KANSL1L: variants seen among roughly 807,000 people sequenced by gnomAD.
KANSL1L encodes KAT8 regulatory NSL complex subunit 1-like protein.
A neutral mutation model predicts 108.6 loss-of-function variants in KANSL1L; 25 were observed. The observed-to-expected ratio is 0.23, with a 90% CI of 0.17 to 0.32. The LOEUF (loss-of-function observed/expected upper bound fraction) is 0.32, where lower values mean the gene tolerates loss of function less well. Among genes scored for constraint, KANSL1L ranks in the 10% least tolerant of loss-of-function variants. KANSL1L has a pLI of 1.00. For synonymous variants in KANSL1L, 405 were observed against 395.1 expected (o/e 1.03, Z -0.30); for missense variants, 1,137 against 1,125.7 (o/e 1.01, Z -0.14).
chr2:210,101,195 C>A lies in KANSL1L; in HGVS notation c.1428+2909G>T, dbSNP rs568412141. ...TGAGACCTAAAATGATACCCAGGAC[C>A]AGCTTCATGGGCATGTAACCTGTGC... On this transcript the variant is annotated intron_variant, in intron 4 of 14. Coordinates refer to ENST00000281772, the MANE Select transcript of KANSL1L (RefSeq NM_152519.4). Among the ~76,000 whole-genome samples, 3 of 152,250 alleles carry A rather than the reference C, an allele frequency of 2.0e-5. No homozygotes were observed. The South Asian group carries it at 6.2e-4, about 32-fold the overall frequency.
intron 3 of KANSL1L, among the ~76,000 whole-genome samples, chr2:210,111,534 T>C (rs1204387200): frequency 2.0e-5 from 3 of 152,116 alleles, no homozygotes; most frequent in East Asian, 1.9e-4. Context: ...TTGAAGGTTA[T>C]AGAAATGTCC....
In KANSL1L at chr2:210,104,829, C is replaced by T. The variant is rs146210295; in HGVS notation, c.1231-528G>A. Among the ~76,000 whole-genome samples the T allele has an allele frequency of 6.8e-4, 103 of 152,230 alleles. 1 individual carries two copies. In the Middle Eastern group the frequency reaches 0.017, roughly 25 times the overall value. ...TGCCCCTGTTGCTGTCAGCCAGCAA[C>T]CAGGGATAGGACTGCACCACTGAGA... On this transcript the variant is annotated intron_variant, in intron 3 of 14. Coordinates refer to ENST00000281772, the MANE Select transcript of KANSL1L (RefSeq NM_152519.4).
intron 5 of KANSL1L, among the ~76,000 whole-genome samples, chr2:210,077,189 CAAAT>C (rs2094548806): frequency 6.6e-6 from 1 of 151,940 alleles, no homozygotes; most frequent in South Asian, 2.1e-4. Flanking sequence ...ATACATTCAA[CAAAT>C]ACGTAATTGA....
intron 3 of KANSL1L, among the ~76,000 whole-genome samples, chr2:210,123,557 T>A (rs1052387751): frequency 6.6e-6 from 1 of 151,946 alleles, no homozygotes; most frequent in African/African-American, 2.4e-5. Context: ...TGGGGATGGC[T>A]AATGGGTACA....
chr2:210,068,943 C>A (rs1172504801), intron 6 of KANSL1L, among the ~76,000 whole-genome samples: 1 of 152,132 alleles, frequency 6.6e-6, no homozygotes. Flanking sequence ...TCTGGGTAAT[C>A]CCCAGAGCAA....
rs747849946 is a variant in KANSL1L at position 210,022,955 on chromosome 2, A to AT, written c.2957dup (p.Asn986LysfsTer2). Reference sequence around the variant, plus strand: ...TTTCTTAACCTGTTCCCTGTCACCTATTTTTTTTAACATTAGTAAGTCCTA... The same window carrying AT: ...TTTCTTAACCTGTTCCCTGTCACCTATTTTTTTTTAACATTAGTAAGTCCTA... On this transcript the variant is annotated frameshift_variant, in exon 15 of 15. Transcript: ENST00000281772. LOFTEE classifies it high-confidence loss of function. 514 of 1,601,426 alleles carry AT rather than the reference A, an allele frequency of 3.2e-4. No homozygotes were observed. Among genetic ancestry groups the AT allele is most frequent in the Middle Eastern group, 1.5e-3 (9 of 6,046 alleles).
chr2:210,172,406 G>A (rs1227587733), upstream of KANSL1L, among the ~76,000 whole-genome samples: 1 of 152,168 alleles, frequency 6.6e-6, no homozygotes, highest in Non-Finnish European at 1.5e-5. Flanking sequence ...GCGGAAGAGG[G>A]GAGAAATCCA....
intron 1 of KANSL1L, among the ~76,000 whole-genome samples, chr2:210,158,809 A>T (rs1330962789): frequency 6.6e-6 from 1 of 152,212 alleles, no homozygotes; most frequent in Non-Finnish European, 1.5e-5. Context: ...AATTATGTTC[A>T]GTATAGTTTT....
chr2:210,042,604 A>G (rs1340146001), intron 7 of KANSL1L, among the ~76,000 whole-genome samples: 1 of 152,200 alleles, frequency 6.6e-6, no homozygotes, highest in Non-Finnish European at 1.5e-5. Flanking sequence ...TCTCATATGT[A>G]AGATGAACAG....
chr2:210,166,038 T>C (rs1687936989), intron 1 of KANSL1L, among the ~76,000 whole-genome samples: 1 of 152,158 alleles, frequency 6.6e-6, no homozygotes, highest in African/African-American at 2.4e-5. Context: ...AAAGTATATA[T>C]AGGGTTAAGT....
At chr2:210,136,302 G>GA (rs950064183) in intron 2 of KANSL1L, among the ~76,000 whole-genome samples, 1 of 151,058 alleles carries the variant, frequency 6.6e-6, no homozygotes, top group African/African-American at 2.4e-5. Flanking sequence ...AGAAAAAAAA[G>GA]AAAAAAAAGG....
intron 6 of KANSL1L, among the ~76,000 whole-genome samples, chr2:210,069,513 CTGT>C (rs1472353360): frequency 6.6e-6 from 1 of 152,096 alleles, no homozygotes; most frequent in African/African-American, 2.4e-5. Flanking sequence ...GCACCAAACT[CTGT>C]ATAAGTTTCC....
chr2:210,164,495 TATTATATTACTCTAGGCACCACC>T, intron 1 of KANSL1L, among the ~76,000 whole-genome samples: 1 of 152,278 alleles, frequency 6.6e-6, no homozygotes, highest in Admixed American at 6.5e-5. Flanking sequence ...TAAAATACTT[TATTATATTACTCTAGGCACCACC>T]ATCATCTTTG....
At chr2:210,054,769 G>A (rs1367138146) in intron 6 of KANSL1L, among the ~76,000 whole-genome samples, 1 of 151,634 alleles carries the variant, frequency 6.6e-6, no homozygotes, top group Non-Finnish European at 1.5e-5. Context: ...GTAGGAAAGG[G>A]AAAAAGGAGG....
rs187770381 is a variant in KANSL1L, at chr2:210,128,884, T to G, written c.1230+147A>C. ...ACAAAAAGGCATTACAAAAATAGCT[T>G]CAATTTATAATAATATATCAAAAAT... On this transcript the variant is annotated intron_variant, in intron 3 of 14. Transcript: ENST00000281772. 7.5e-4 allele frequency: 442 copies of G among 586,130 alleles called. 1 individual carries two copies. The highest frequency in any genetic ancestry group is 7.5e-3 in the African/African-American group (396 of 52,652). The allele number at this position is 586,130 out of a possible 1,614,324, so 36.3% of individuals were successfully genotyped here.
chr2:210,100,011 T>C (rs545627017), intron 4 of KANSL1L, among the ~76,000 whole-genome samples: 2 of 152,278 alleles, frequency 1.3e-5, no homozygotes, highest in South Asian at 2.1e-4. Context: ...TCACCTAAAG[T>C]AGAAGTCCCC....
chr2:210,142,745 C>T (rs966430405), intron 2 of KANSL1L, among the ~76,000 whole-genome samples: 1 of 151,990 alleles, frequency 6.6e-6, no homozygotes, highest in African/African-American at 2.4e-5. Context: ...TTGATTTCCA[C>T]ATATTTGTGA....
intron 1 of KANSL1L, among the ~76,000 whole-genome samples, chr2:210,168,843 A>G (rs529693428): frequency 1.3e-5 from 2 of 152,278 alleles, no homozygotes; most frequent in Non-Finnish European, 2.9e-5. Context: ...CTGATCTTCC[A>G]TAGATAAAAA....
intron 7 of KANSL1L, 185 bp downstream of exon 7, chr2:210,043,754 C>G: frequency 2.4e-6 from 1 of 417,118 alleles, no homozygotes; most frequent in Non-Finnish European, 4.2e-6. Flanking sequence ...ACAGATAGAA[C>G]ATTAACCGTG....
Sources: gnomAD v4.1 joint callset for allele counts (sites outside exome capture counted in the v4.1 genomes callset) on GRCh38, gnomAD v4.1.1 for gene constraint, MANE v1.5 for transcripts, NCBI Gene and HGNC (gene_info 2026-07-23, HGNC 2026-07-21) for gene names.